ADAP1: variants seen among roughly 807,000 people sequenced by gnomAD.
ADAP1 encodes the protein ArfGAP with dual PH domains 1.
A neutral mutation model predicts 54.9 loss-of-function variants in ADAP1; 31 were observed. The observed-to-expected ratio is 0.56, with a 90% CI of 0.42 to 0.76. The LOEUF is 0.76. ADAP1 is among the 30% of genes least tolerant of loss of function. ADAP1 has a pLI of 0.00. For missense variants in ADAP1, 535 were observed against 512.4 expected, an observed-to-expected ratio of 1.04 and a Z score of -0.42; for synonymous variants, 313 against 202.6, an observed-to-expected ratio of 1.55 and a Z score of -4.63.
At chr7:899,986 C>G in intron 8 of ADAP1, 116 bp downstream of exon 8, 3 of 1,254,932 alleles carry the variant, frequency 2.4e-6, no homozygotes, top group Non-Finnish European at 3.4e-6. Flanking sequence ...GCTGTGAGGA[C>G]CCACCAGACA....
rs1371031884 is a variant in ADAP1, at chr7:930,146, C to CTATTTATG, written c.214-3510_214-3503dup. On this transcript the variant is annotated intron_variant, in intron 2 of 10. Transcript: ENST00000265846. ...AAAAAAACCCTCAGGCAGAGAAGGC[C>CTATTTATG]TATTTATGTATGCTATAGACCCTAA... Among the ~76,000 whole-genome samples, 118 of 147,748 alleles carry CTATTTATG rather than the reference C, an allele frequency of 8.0e-4. No homozygotes were observed. In the Middle Eastern group the frequency reaches 0.011, roughly 14 times the overall value.
At chr7:902,437 G>A (rs1208504071) in intron 6 of ADAP1, among the ~76,000 whole-genome samples, 815 of 18,040 alleles carry the variant, frequency 0.045, no homozygotes, top group East Asian at 0.3. Context: ...CAGCCTGGGT[G>A]ACAAGGGCGA....
chr7:906,565 A>G (rs1372549291), intron 4 of ADAP1, among the ~76,000 whole-genome samples: 7 of 45,996 alleles, frequency 1.5e-4, no homozygotes, highest in Admixed American at 9.5e-4. Flanking sequence ...AGAAAGGGAA[A>G]GGAGAAAGGG....
intron 4 of ADAP1, among the ~76,000 whole-genome samples, chr7:908,953 G>A (rs1167384281): frequency 6.6e-6 from 1 of 152,208 alleles, no homozygotes; most frequent in African/African-American, 2.4e-5. Flanking sequence ...CAGCGACCGG[G>A]CTCCCTAGGC....
chr7:933,614 C>T (rs1192662581), intron 2 of ADAP1, among the ~76,000 whole-genome samples: 1 of 85,424 alleles, frequency 1.2e-5, no homozygotes, highest in South Asian at 6.0e-4. Context: ...GCTGGAGAGC[C>T]GGGGACCGGG....
intron 6 of ADAP1, chr7:901,090 C>T (rs1329519210): frequency 6.5e-6 from 3 of 464,894 alleles, no homozygotes; most frequent in Non-Finnish European, 4.4e-6. Flanking sequence ...GAGCTGTGGC[C>T]CCTACCGAGA....
chr7:900,212 C>T (rs373921262), intron 7 of ADAP1, 48 bp from the exon 8 acceptor site: 41 of 1,607,556 alleles, frequency 2.6e-5, no homozygotes, highest in Non-Finnish European at 3.3e-5. Context: ...GCAGCTCAGG[C>T]CGAGCCCCTC....
At chr7:902,019 G>A (rs916000408) in intron 6 of ADAP1, among the ~76,000 whole-genome samples, 2 of 152,100 alleles carry the variant, frequency 1.3e-5, no homozygotes, top group East Asian at 1.9e-4. Context: ...CTGGAGCTCT[G>A]TGACCCTGCA....
upstream of ADAP1, chr7:955,195 A>T: frequency 9.4e-7 from 1 of 1,069,088 alleles, no homozygotes; most frequent in Non-Finnish European, 1.4e-6. Context: ...CACAGATGGG[A>T]CCCTCTGGGC....
At chr7:954,154 G>A (rs184515709) in intron 1 of ADAP1, among the ~76,000 whole-genome samples, 7,790 of 151,584 alleles carry the variant, frequency 0.051, 297 homozygotes, top group South Asian at 0.12. Context: ...CGGCAGGGGG[G>A]TTTCCGGGGG....
In ADAP1 at chr7:898,095, A is replaced by T. The variant is rs1844591255; in HGVS notation, c.*826T>A. 6.6e-6 allele frequency: 1 copy of T among 152,370 alleles called. No individual in the cohort carries two copies. The highest frequency in any genetic ancestry group is 1.5e-5 in the Non-Finnish European group (1 of 68,182). The allele number at this position is 152,370 out of a possible 1,614,324, so 9.4% of individuals were successfully genotyped here. ...CCTCCCCCACCTACATGCCCCACGC[A>T]AGGGGAGCCCTGGAGCCCGGCCTGC... On this transcript the variant is annotated 3_prime_UTR_variant, in exon 11 of 11. Coordinates refer to ENST00000265846, the MANE Select transcript of ADAP1 (RefSeq NM_006869.4).
rs566864874 is a variant in ADAP1 at position 940,721 on chromosome 7, G to T, written c.83-5216C>A. Reference sequence around the variant, plus strand: ...GAATTTACCCAAGGGAAATCAAAATGTAGGTCCATAAAAAGATGTACATCC... The same window carrying T: ...GAATTTACCCAAGGGAAATCAAAATTTAGGTCCATAAAAAGATGTACATCC... On this transcript the variant is annotated intron_variant, in intron 1 of 10. Coordinates refer to ENST00000265846, the MANE Select transcript of ADAP1 (RefSeq NM_006869.4). 1.2e-4 allele frequency among the ~76,000 whole-genome samples: 19 copies of T among 152,218 alleles called. No homozygotes were observed. The South Asian group carries it at 3.9e-3, about 32-fold the overall frequency.
Position 929,214 on chromosome 7 carries a change from C to A in ADAP1, c.214-2570G>T, listed in dbSNP as rs962723212. On this transcript the variant is annotated intron_variant, in intron 2 of 10. Coordinates refer to ENST00000265846, the MANE Select transcript of ADAP1 (RefSeq NM_006869.4). ...GGCTGAGGCAGGAGAATCGCTTGAA[C>A]CCGGGAGGCAGAGGTTGCAGTGAGC... Among the ~76,000 whole-genome samples, 3 of 151,948 alleles carry A rather than the reference C, an allele frequency of 2.0e-5. No individual in the cohort carries two copies. The East Asian group carries it at 5.8e-4, about 29-fold the overall frequency.
chr7:940,557 T>C (rs934793761), intron 1 of ADAP1, among the ~76,000 whole-genome samples: 1 of 152,186 alleles, frequency 6.6e-6, no homozygotes, highest in African/African-American at 2.4e-5. Context: ...CTACCAAGTG[T>C]TGATGAGGAT....
rs1846166483 is a variant in ADAP1, at chr7:920,835, C to T, written c.306-785G>A. On this transcript the variant is annotated intron_variant, in intron 3 of 10. Coordinates refer to ENST00000265846, the MANE Select transcript of ADAP1 (RefSeq NM_006869.4). The surrounding 1 kb of genome is among the most constrained non-coding windows in gnomAD (Gnocchi z 4.5). ...AACCACGACCCACACACAGGCCCGG[C>T]ACGGCCCAGGTGCACAGGCAGCCGC... is the stretch of plus-strand genomic sequence containing the variant. 6.5e-7 allele frequency: 1 copy of T among 1,550,218 alleles called. No individual in the cohort carries two copies. The highest frequency in any genetic ancestry group is 8.7e-7 in the Non-Finnish European group (1 of 1,146,898).
intron 6 of ADAP1, among the ~76,000 whole-genome samples, chr7:903,093 T>C (rs562780900): frequency 4.0e-4 from 60 of 151,444 alleles, no homozygotes; most frequent in African/African-American, 1.4e-3. Flanking sequence ...GCCGTGGGAG[T>C]CGCAGGCTCC....
intron 4 of ADAP1, among the ~76,000 whole-genome samples, chr7:907,115 AAAGCTCATCTGAGGGG>A (rs1243359724): frequency 6.6e-6 from 1 of 152,010 alleles, no homozygotes; most frequent in Non-Finnish European, 1.5e-5. Flanking sequence ...TTTTTTCAGG[AAAGCTCATCTGAGGGG>A]AGTCCAGCTC....
At chr7:951,677 G>GT (rs1847275634) in intron 1 of ADAP1, among the ~76,000 whole-genome samples, 1 of 152,164 alleles carries the variant, frequency 6.6e-6, no homozygotes. Context: ...AGAGGCTGCA[G>GT]TGAGTTGAGA....
intron 1 of ADAP1, among the ~76,000 whole-genome samples, chr7:948,735 C>T (rs1024972259): frequency 8.5e-5 from 13 of 152,112 alleles, no homozygotes; most frequent in African/African-American, 2.4e-4. Flanking sequence ...ATCACTCTGT[C>T]GCCCAGGCTG....
Sources: gnomAD v4.1 joint callset for allele counts (sites outside exome capture counted in the v4.1 genomes callset) on GRCh38, gnomAD v4.1.1 for gene constraint, Gnocchi (gnomAD v3.1) non-coding constraint, MANE v1.5 for transcripts, NCBI Gene and HGNC (gene_info 2026-07-23, HGNC 2026-07-21) for gene names.